HECW1: variants seen among roughly 807,000 people sequenced by gnomAD.
The protein encoded by HECW1 is E3 ubiquitin-protein ligase HECW1.
In HECW1, 61 loss-of-function variants were observed where a neutral mutation model predicts 182.3. The ratio of observed to expected loss-of-function variants is 0.33; its 90% CI spans 0.27 to 0.41. The LOEUF is 0.41. Ranked by LOEUF, HECW1 falls within the 10% of genes least tolerant of loss-of-function variation. HECW1 has a pLI of 1.00. For synonymous variants in HECW1, 859 were observed against 832.6 expected (o/e 1.03, Z -0.55); for missense variants, 1,739 against 2,108.9 (o/e 0.82, Z 3.44).
Position 43,448,287 on chromosome 7 carries a change from T to A in HECW1, c.2399-2541T>A, listed in dbSNP as rs376160876. 5.6e-4 allele frequency among the ~76,000 whole-genome samples: 85 copies of A among 152,382 alleles called. No individual in the cohort carries two copies. The East Asian group carries it at 0.015, about 26-fold the overall frequency. On this transcript the variant is annotated intron_variant, in intron 11 of 29. Transcript: ENST00000395891. ...ACTATACAGGCTAGTATTCTTTTCA[T>A]ACTTTTTGCTTTATTTCCCTCTATA... is the stretch of plus-strand genomic sequence containing the variant.
intron 24 of HECW1, among the ~76,000 whole-genome samples, 194 bp from the exon 25 acceptor site, chr7:43,540,969 C>G (rs1482371098): frequency 6.6e-6 from 1 of 152,174 alleles, no homozygotes; most frequent in Admixed American, 6.5e-5. Context: ...TTCCTTTAGT[C>G]CCTAACAAGC....
chr7:43,486,132 C>T (rs2152913262), intron 17 of HECW1, among the ~76,000 whole-genome samples: 1 of 152,104 alleles, frequency 6.6e-6, no homozygotes, highest in African/African-American at 2.4e-5. Flanking sequence ...TCTTGTGTTA[C>T]TTTGCTGAGA....
At chr7:43,550,902 C>G (rs2081797022) in intron 27 of HECW1, among the ~76,000 whole-genome samples, 1 of 152,226 alleles carries the variant, frequency 6.6e-6, no homozygotes, top group African/African-American at 2.4e-5. Context: ...ACAATATATG[C>G]AGCTGGTGTT....
intron 7 of HECW1, among the ~76,000 whole-genome samples, chr7:43,397,485 T>A (rs2075268744): frequency 1.3e-5 from 2 of 152,128 alleles, no homozygotes; most frequent in Non-Finnish European, 2.9e-5. Flanking sequence ...TTCACCTGAG[T>A]GCAGGTGGGC....
chr7:43,147,732 C>CA (rs1788867896), intron 2 of HECW1: 1 of 152,078 alleles, frequency 6.6e-6, no homozygotes, highest in Non-Finnish European at 1.5e-5. Flanking sequence ...GGTGCTGTTT[C>CA]AAGTTGTGTG....
chr7:43,385,025 CA>C, intron 6 of HECW1, among the ~76,000 whole-genome samples: 1 of 152,130 alleles, frequency 6.6e-6, no homozygotes, highest in South Asian at 2.1e-4. Context: ...TGATAAAGGA[CA>C]AAACGCAGTT....
chr7:43,483,175 T>A (rs2078496920), intron 17 of HECW1, among the ~76,000 whole-genome samples: 1 of 152,138 alleles, frequency 6.6e-6, no homozygotes, highest in Non-Finnish European at 1.5e-5. Flanking sequence ...CTGAATGAAT[T>A]TGAGGAAAGT....
intron 8 of HECW1, among the ~76,000 whole-genome samples, chr7:43,427,581 A>C (rs2076401389): frequency 6.6e-6 from 1 of 152,234 alleles, no homozygotes; most frequent in Admixed American, 6.5e-5. Flanking sequence ...AGTACATAAC[A>C]AATTGCCACA....
chr7:43,541,319 G>A (rs373742461), intron 25 of HECW1, 58 bp downstream of exon 25: 10 of 1,293,950 alleles, frequency 7.7e-6, no homozygotes, highest in South Asian at 5.9e-5. Context: ...CAAGGACACC[G>A]ACCTCTCTGG....
intron 2 of HECW1, among the ~76,000 whole-genome samples, chr7:43,116,052 G>A (rs1161127047): frequency 6.6e-6 from 1 of 152,120 alleles, no homozygotes; most frequent in African/African-American, 2.4e-5. Flanking sequence ...TGTATAGGCA[G>A]GAGGTAGGTA....
intron 2 of HECW1, among the ~76,000 whole-genome samples, chr7:43,159,419 AC>A (rs1397779936): frequency 6.7e-6 from 1 of 149,448 alleles, no homozygotes; most frequent in Non-Finnish European, 1.5e-5. Context: ...AGTTTATTTA[AC>A]CATTTATCTC....
intron 2 of HECW1, among the ~76,000 whole-genome samples, chr7:43,136,664 G>C (rs376742994): frequency 6.6e-6 from 1 of 152,180 alleles, no homozygotes; most frequent in Non-Finnish European, 1.5e-5. Context: ...TTTCCAGCCC[G>C]TTTTCATCTA....
At chr7:43,441,701 G>T (rs529598295) in intron 9 of HECW1, among the ~76,000 whole-genome samples, 1 of 152,180 alleles carries the variant, frequency 6.6e-6, no homozygotes, top group Admixed American at 6.5e-5. Flanking sequence ...CAGATAATAC[G>T]TAAGCTAACA....
chr7:43,368,152 A>G (rs1451823157), intron 6 of HECW1, among the ~76,000 whole-genome samples: 1 of 152,246 alleles, frequency 6.6e-6, no homozygotes, highest in Non-Finnish European at 1.5e-5. Context: ...ATGCTCATCA[A>G]GCCACCTGCC....
chr7:43,355,991 A>T (rs1198903199), intron 5 of HECW1, among the ~76,000 whole-genome samples: 1 of 151,614 alleles, frequency 6.6e-6, no homozygotes, highest in Non-Finnish European at 1.5e-5. Flanking sequence ...CCGTTAAAAA[A>T]ATAAATAAAA....
chr7:43,543,816 A>G (rs2081455665), intron 26 of HECW1, among the ~76,000 whole-genome samples: 1 of 151,548 alleles, frequency 6.6e-6, no homozygotes, highest in Non-Finnish European at 1.5e-5. Context: ...AAAGAAAACT[A>G]CTCATTTAAC....
intron 7 of HECW1, among the ~76,000 whole-genome samples, chr7:43,403,248 A>G (rs1051814827): frequency 2.6e-5 from 4 of 152,228 alleles, no homozygotes; most frequent in African/African-American, 9.6e-5. Flanking sequence ...GTAAATCTCA[A>G]AGAAGTGGCT....
At position 43,480,125 on chromosome 7, in the gene HECW1, T is replaced by C. The variant is rs1210089086; in HGVS notation, c.3234+381T>C. Among the ~76,000 whole-genome samples the C allele has an allele frequency of 3.3e-5, 5 of 152,114 alleles. No individual in the cohort carries two copies. In the East Asian group the frequency reaches 9.6e-4, roughly 29 times the overall value. On this transcript the variant is annotated intron_variant, in intron 17 of 29. Coordinates refer to ENST00000395891, the MANE Select transcript of HECW1 (RefSeq NM_015052.5). ...CTGACTAACTTTAAACTTCTACCTC[T>C]CCAAAACATCCTAGAAAATACTTCA...
Position 43,445,199 on chromosome 7 carries a change from C to T in HECW1, c.2027C>T (p.Ser676Phe). 2 of 1,613,170 alleles carry T rather than the reference C, an allele frequency of 1.2e-6. No individual in the cohort carries two copies. Among genetic ancestry groups the T allele is most frequent in the Non-Finnish European group, 1.7e-6 (2 of 1,179,750 alleles). Residue 676 changes from serine to phenylalanine, a missense_variant, in exon 11 of 30, where the codon TCC becomes TTC. Physicochemically the swap from Ser to Phe is radical, Grantham distance 155. This residue lies in a region of HECW1 where 971 missense variants were observed against 1,029.1 expected (regional missense o/e 0.94). Coordinates refer to ENST00000395891, the MANE Select transcript of HECW1 (RefSeq NM_015052.5). ...CACAGTTGCGAGGGCTGTGACGCGT[C>T]CTGCTGCAGCCCCTCGTGCTACAGC... ...GDHSCEGCDA[S>F]CCSPSCYSSS...
Sources: gnomAD v4.1 joint callset for allele counts (sites outside exome capture counted in the v4.1 genomes callset) on GRCh38, gnomAD v4.1.1 for gene constraint, gnomAD v4.1.1 regional missense constraint, MANE v1.5 for transcripts, NCBI Gene and HGNC (gene_info 2026-07-23, HGNC 2026-07-21) for gene names.